COX5A: variants seen among roughly 807,000 people sequenced by gnomAD.
COX5A encodes the protein cytochrome c oxidase subunit 5A, mitochondrial.
COX5A carries 6 observed loss-of-function variants against 16.1 expected under a neutral mutation model. The ratio of observed to expected loss-of-function variants is 0.37; its 90% CI spans 0.20 to 0.73. The LOEUF is 0.73. COX5A is among the 30% of genes least tolerant of loss of function. COX5A has a pLI of 0.50. For synonymous variants in COX5A, 73 were observed against 73.8 expected, an observed-to-expected ratio of 0.99 and a Z score of 0.06; for missense variants, 159 against 194.9, an observed-to-expected ratio of 0.82 and a Z score of 1.10.
At chr15:74,924,615 T>C (rs896991507) in intron 3 of COX5A, among the ~76,000 whole-genome samples, 3 of 152,198 alleles carry the variant, frequency 2.0e-5, no homozygotes, top group Non-Finnish European at 4.4e-5. Flanking sequence ...ATAACTGCAA[T>C]TGGACTAAAT....
intron 3 of COX5A, among the ~76,000 whole-genome samples, chr15:74,926,348 A>G (rs985813316): frequency 2.6e-5 from 4 of 150,988 alleles, no homozygotes; most frequent in African/African-American, 7.3e-5. Flanking sequence ...CCTAATTTTT[A>G]TATTTTTAGT....
chr15:74,922,168 C>T (rs1271633570), intron 4 of COX5A, among the ~76,000 whole-genome samples: 1 of 152,176 alleles, frequency 6.6e-6, no homozygotes, highest in Non-Finnish European at 1.5e-5. Context: ...GGGTGGATCA[C>T]CTGAAATCAG....
At chr15:74,937,433 C>A (rs191450714) in intron 1 of COX5A, among the ~76,000 whole-genome samples, 193 of 152,314 alleles carry the variant, frequency 1.3e-3, no homozygotes, top group Non-Finnish European at 1.5e-3. Context: ...GTGAAGGTGA[C>A]ACACTAATCG....
intron 2 of COX5A, 125 bp downstream of exon 2, chr15:74,928,991 T>C: frequency 1.4e-6 from 1 of 718,654 alleles, no homozygotes; most frequent in Non-Finnish European, 2.5e-6. Context: ...CTTTCCTAAC[T>C]GCAAGTTGCA....
intron 1 of COX5A, among the ~76,000 whole-genome samples, chr15:74,934,744 C>T (rs550417312): frequency 9.2e-5 from 14 of 152,140 alleles, no homozygotes; most frequent in Non-Finnish European, 1.9e-4. Flanking sequence ...TACTAGCATT[C>T]TCTGCCCCAC....
chr15:74,926,748 C>A lies in COX5A; in HGVS notation c.339+18G>T. 6.3e-7 allele frequency: 1 copy of A among 1,599,364 alleles called. No homozygotes were observed. ...CCACTCATTTACAGAACAATTTTAG[C>A]ATTATTATTTCACTGACCTTAACAA... On this transcript the variant is annotated intron_variant, in intron 3 of 4. Coordinates refer to ENST00000322347, the MANE Select transcript of COX5A (RefSeq NM_004255.4).
chr15:74,921,724 C>T (rs978938377), intron 4 of COX5A, among the ~76,000 whole-genome samples: 3 of 151,890 alleles, frequency 2.0e-5, no homozygotes, highest in East Asian at 1.9e-4. Context: ...AGTGAGACTC[C>T]GTCTCAAAAC....
At chr15:74,927,726 C>G (rs368419178) in intron 2 of COX5A, among the ~76,000 whole-genome samples, 3 of 151,940 alleles carry the variant, frequency 2.0e-5, no homozygotes, top group East Asian at 3.9e-4. Flanking sequence ...GAGCTGAGAT[C>G]GCGCCATTGC....
intron 4 of COX5A, 49 bp downstream of exon 4, chr15:74,923,599 A>G: frequency 9.1e-7 from 1 of 1,098,854 alleles, no homozygotes; most frequent in South Asian, 1.3e-5. Flanking sequence ...TCATCCACCC[A>G]CACCTCTCTG....
At chr15:74,920,628 C>T (rs916660332) in intron 4 of COX5A, among the ~76,000 whole-genome samples, 186 bp from the exon 5 acceptor site, 1 of 152,172 alleles carries the variant, frequency 6.6e-6, no homozygotes, top group African/African-American at 2.4e-5. Flanking sequence ...GTTGTTTATA[C>T]ACTGGTACTT....
At chr15:74,926,180 C>T (rs1232248442) in intron 3 of COX5A, among the ~76,000 whole-genome samples, 1 of 151,500 alleles carries the variant, frequency 6.6e-6, no homozygotes, top group Non-Finnish European at 1.5e-5. Flanking sequence ...GCTGGGACTA[C>T]AGGCGCCTGC....
chr15:74,937,743 T>A (rs756085530), intron 1 of COX5A, 172 bp downstream of exon 1: 2 of 402,398 alleles, frequency 5.0e-6, no homozygotes, highest in Non-Finnish European at 8.5e-6. Flanking sequence ...GGGGGCGCGC[T>A]TTCAGGTCCT....
intron 1 of COX5A, among the ~76,000 whole-genome samples, chr15:74,932,084 G>A (rs909905548): frequency 2.6e-5 from 4 of 152,172 alleles, no homozygotes; most frequent in African/African-American, 7.2e-5. Flanking sequence ...AAATGGGGAC[G>A]CTACCCCCCT....
intron 1 of COX5A, among the ~76,000 whole-genome samples, chr15:74,936,418 G>A (rs1285785218): frequency 1.3e-5 from 2 of 151,288 alleles, no homozygotes; most frequent in Admixed American, 6.6e-5. Context: ...GTTGGCTGCA[G>A]TGGCTCATGC....
intron 3 of COX5A, among the ~76,000 whole-genome samples, chr15:74,925,457 T>C (rs1399625448): frequency 6.6e-6 from 1 of 150,854 alleles, no homozygotes; most frequent in African/African-American, 2.4e-5. Flanking sequence ...GGTGCCATCT[T>C]GGCTCACTGT....
At chr15:74,926,574 C>G (rs2065345549) in intron 3 of COX5A, among the ~76,000 whole-genome samples, 192 bp downstream of exon 3, 1 of 151,748 alleles carries the variant, frequency 6.6e-6, no homozygotes, top group Non-Finnish European at 1.5e-5. Flanking sequence ...GTATCATGTA[C>G]AATTTGTAAG....
At chr15:74,934,571 T>C (rs959097462) in intron 1 of COX5A, among the ~76,000 whole-genome samples, 229 of 152,258 alleles carry the variant, frequency 1.5e-3, no homozygotes, top group African/African-American at 5.3e-3. Context: ...GACATTGTGA[T>C]CCGCCCGCCT....
intron 2 of COX5A, among the ~76,000 whole-genome samples, chr15:74,927,589 A>G (rs557493139): frequency 6.6e-6 from 1 of 152,040 alleles, no homozygotes; most frequent in African/African-American, 2.4e-5. Flanking sequence ...CCTGGTCAAC[A>G]TGGAGAAACC....
intron 1 of COX5A, among the ~76,000 whole-genome samples, chr15:74,929,717 A>G (rs2141272762): frequency 6.6e-6 from 1 of 152,254 alleles, no homozygotes; most frequent in African/African-American, 2.4e-5. Context: ...GGTGCTAACA[A>G]TATGACAGAA....
Sources: gnomAD v4.1 joint callset for allele counts (sites outside exome capture counted in the v4.1 genomes callset) on GRCh38, gnomAD v4.1.1 for gene constraint, MANE v1.5 for transcripts, NCBI Gene and HGNC (gene_info 2026-07-23, HGNC 2026-07-21) for gene names.